Variants in NPR3 observed in about 807,000 individuals in gnomAD.
The protein encoded by NPR3 is natriuretic peptide receptor 3.
In NPR3, 34 loss-of-function variants were observed where a neutral mutation model predicts 54.5. The ratio of observed to expected loss-of-function variants is 0.62; its 90% CI spans 0.47 to 0.83. The LOEUF (loss-of-function observed/expected upper bound fraction) is 0.83. Among genes scored for constraint, NPR3 ranks in the 40% least tolerant of loss-of-function variants. The pLI, the probability that NPR3 is intolerant of heterozygous loss-of-function variation, is 0.00. For synonymous variants in NPR3, 289 were observed against 297.1 expected (o/e 0.97, Z 0.28); for missense variants, 674 against 720.8 (o/e 0.94, Z 0.74).
upstream of NPR3, among the ~76,000 whole-genome samples, chr5:32,705,883 G>T (rs963877928): frequency 1.3e-5 from 2 of 152,194 alleles, no homozygotes; most frequent in Non-Finnish European, 2.9e-5. Context: ...GTCAATGGGT[G>T]CCAAAACTGT....
At chr5:32,747,757 A>ATTTTTTT (rs34349060) in intron 3 of NPR3, among the ~76,000 whole-genome samples, 1 of 135,902 alleles carries the variant, frequency 7.4e-6, no homozygotes, top group Non-Finnish European at 1.6e-5. Context: ...GGAGGCATGC[A>ATTTTTTT]TTTTTTTTTT....
chr5:32,782,971 CTG>C lies in NPR3; in HGVS notation c.1370_1371del (p.Leu457GlnfsTer4). On this transcript the variant is annotated frameshift_variant, in exon 6 of 8. Transcript: ENST00000265074. LOFTEE classifies it high-confidence loss of function. ...NVKYPWGPLK[L>X]RIDENRIVEH... is the part of the protein sequence containing the mutation. ...CAAATATCCTTGGGGCCCTTTAAAA[CTG>C]AGAATAGATGAAAACCGAATTGTAG... The C allele has an allele frequency of 6.2e-7, 1 of 1,609,354 alleles. No individual in the cohort carries two copies. Among genetic ancestry groups the C allele is most frequent in the Non-Finnish European group, 8.5e-7 (1 of 1,177,366 alleles).
At chr5:32,756,178 C>A (rs544666276) in intron 3 of NPR3, among the ~76,000 whole-genome samples, 5 of 152,230 alleles carry the variant, frequency 3.3e-5, no homozygotes, top group Non-Finnish European at 7.3e-5. Context: ...AATCACTAAA[C>A]TGTCTTCCAC....
intron 3 of NPR3, among the ~76,000 whole-genome samples, chr5:32,744,959 A>T (rs1740220510): frequency 1.3e-5 from 2 of 152,212 alleles, no homozygotes; most frequent in African/African-American, 4.8e-5. Flanking sequence ...TGGCCAAAGT[A>T]CCTATTATTA....
At position 32,711,684 on chromosome 5, in the gene NPR3, C is replaced by T. The variant is rs1002085719; in HGVS notation, c.-93C>T. The T allele has an allele frequency of 4.3e-5, 58 of 1,351,300 alleles. No homozygotes were observed. The highest frequency in any genetic ancestry group is 5.3e-5 in the Non-Finnish European group (56 of 1,056,622). The allele number at this position is 1,351,300 out of a possible 1,614,324, so 83.7% of individuals were successfully genotyped here. ...AAAGCGCCCAAGGGGGCGCAGGGAC[C>T]TTGGAGAGAAGAGTGGGGAGGAAAG... On this transcript the variant is annotated 5_prime_UTR_variant, in exon 1 of 8. Transcript: ENST00000265074.
intron 4 of NPR3, among the ~76,000 whole-genome samples, chr5:32,778,340 T>C (rs1742174526): frequency 6.6e-6 from 1 of 152,204 alleles, no homozygotes; most frequent in Non-Finnish European, 1.5e-5. Context: ...CATTTGAGGG[T>C]AGGCCTAAAA....
At chr5:32,781,536 T>C (rs1742339168) in intron 5 of NPR3, among the ~76,000 whole-genome samples, 1 of 152,246 alleles carries the variant, frequency 6.6e-6, no homozygotes, top group Non-Finnish European at 1.5e-5. Context: ...CCTCTTTGTA[T>C]GTATCAGGTT....
chr5:32,773,386 G>T (rs1427038031), intron 3 of NPR3, among the ~76,000 whole-genome samples: 2 of 152,044 alleles, frequency 1.3e-5, no homozygotes, highest in Admixed American at 1.3e-4. Flanking sequence ...GTAGGTAAGG[G>T]GTGAACTAAA....
At chr5:32,734,394 A>C (rs1739618676) in intron 2 of NPR3, among the ~76,000 whole-genome samples, 1 of 152,170 alleles carries the variant, frequency 6.6e-6, no homozygotes, top group Non-Finnish European at 1.5e-5. Context: ...AAGTACTGGG[A>C]ACTACAGGAT....
intron 4 of NPR3, among the ~76,000 whole-genome samples, chr5:32,775,316 G>A (rs1202297003): frequency 4.7e-5 from 7 of 149,716 alleles, no homozygotes; most frequent in South Asian, 2.1e-4. Flanking sequence ...TTTTTGAGAC[G>A]GAGTTTTTGC....
intron 3 of NPR3, among the ~76,000 whole-genome samples, chr5:32,749,642 C>T (rs1435228137): frequency 3.9e-5 from 6 of 152,196 alleles, no homozygotes; most frequent in African/African-American, 1.4e-4. Context: ...CAAATTCCTT[C>T]TTGAGGGTCA....
chr5:32,736,592 C>T (rs1487306222), intron 2 of NPR3, among the ~76,000 whole-genome samples: 3 of 152,208 alleles, frequency 2.0e-5, no homozygotes, highest in Non-Finnish European at 2.9e-5. Flanking sequence ...ATGGGCTCCT[C>T]CATTGGACAA....
At chr5:32,721,701 C>A (rs1362884703) in intron 1 of NPR3, among the ~76,000 whole-genome samples, 1 of 152,042 alleles carries the variant, frequency 6.6e-6, no homozygotes, top group Non-Finnish European at 1.5e-5. Flanking sequence ...AGAATGTGTC[C>A]ATCAGAAGGA....
intron 3 of NPR3, among the ~76,000 whole-genome samples, chr5:32,766,246 C>G (rs1030713203): frequency 2.0e-5 from 3 of 152,152 alleles, no homozygotes; most frequent in Non-Finnish European, 4.4e-5. Flanking sequence ...GGAAGGGGAC[C>G]AGCAGCCAAG....
intron 6 of NPR3, 135 bp from the exon 7 acceptor site, chr5:32,784,661 C>A: frequency 1.5e-6 from 1 of 660,982 alleles, no homozygotes; most frequent in Non-Finnish European, 2.7e-6. Flanking sequence ...GTGTAGGGTC[C>A]CTTAGAAAAT....
At chr5:32,702,408 C>A (rs192258366) in intron 1 of NPR3, among the ~76,000 whole-genome samples, 14 of 105,426 alleles carry the variant, frequency 1.3e-4, no homozygotes, top group East Asian at 3.6e-4. Flanking sequence ...ATCCCTCCCC[C>A]CTCCCCCCAC....
At chr5:32,750,292 C>T (rs76738090) in intron 3 of NPR3, among the ~76,000 whole-genome samples, 17,398 of 152,120 alleles carry the variant, frequency 0.11, 1,150 homozygotes, top group Middle Eastern at 0.18. Flanking sequence ...CCACGCATGG[C>T]TAATGGCTAA....
chr5:32,776,776 G>A (rs558382603), intron 4 of NPR3, among the ~76,000 whole-genome samples: 15 of 152,248 alleles, frequency 9.9e-5, no homozygotes, highest in African/African-American at 3.6e-4. Context: ...ACATGCCAGT[G>A]GGGGGATGAG....
chr5:32,721,271 A>G (rs192609821), intron 1 of NPR3, among the ~76,000 whole-genome samples: 9 of 152,372 alleles, frequency 5.9e-5, no homozygotes, highest in Admixed American at 1.3e-4. Context: ...TGGCCAACAC[A>G]AAATGGATAA....
Sources: allele counts gnomAD v4.1 joint callset (sites outside exome capture counted in the v4.1 genomes callset), GRCh38; gene constraint gnomAD v4.1.1; transcripts MANE v1.5; gene names NCBI Gene and HGNC (gene_info 2026-07-23, HGNC 2026-07-21).